PMM2: variants seen among roughly 807,000 people sequenced by gnomAD.
PMM2 encodes the protein phosphomannomutase 2.
A neutral mutation model predicts 33.2 loss-of-function variants in PMM2; 35 were observed. That is an observed-to-expected ratio of 1.06 (90% CI 0.81 to 1.40). The LOEUF (loss-of-function observed/expected upper bound fraction) is 1.40, where lower values mean the gene tolerates loss of function less well. Among genes scored for constraint, PMM2 ranks in the 40% most tolerant of loss-of-function variants. The pLI is 0.00. For missense variants in PMM2, 386 were observed against 306.0 expected, an observed-to-expected ratio of 1.26 and a Z score of -1.95; for synonymous variants, 153 against 114.7, an observed-to-expected ratio of 1.33 and a Z score of -2.13.
chr16:8,842,629 G>C (rs1410873565), intron 7 of PMM2, among the ~76,000 whole-genome samples: 4 of 152,164 alleles, frequency 2.6e-5, no homozygotes, highest in Non-Finnish European at 4.4e-5. Flanking sequence ...ATGAAAGAGT[G>C]TATGGGTTGG....
At position 8,811,131 on chromosome 16, in the gene PMM2, A is replaced by G; in HGVS notation, c.400A>G (p.Arg134Gly). 6.3e-7 allele frequency: 1 copy of G among 1,578,128 alleles called. No individual in the cohort carries two copies. The highest frequency in any genetic ancestry group is 8.6e-7 in the Non-Finnish European group (1 of 1,157,996). The change falls in exon 5 of 8, where the codon AGA (arginine) becomes GGA (glycine). Residue 134 changes from arginine to glycine, a missense_variant. Arg to Gly is a moderately radical substitution (Grantham distance 125). Transcript: ENST00000268261. The stretch of plus-strand genomic sequence containing the variant: ...GATGTTAAACGTGTCCCCTATTGGA[A>G]GAAGCTGCAGCCAAGAAGAACGCAT... ...NGMLNVSPIGRSCSQEERIEF... is the reference protein window; with the variant it reads ...NGMLNVSPIGGSCSQEERIEF...
chr16:8,840,208 G>A (rs1480227514), intron 7 of PMM2, among the ~76,000 whole-genome samples: 3 of 151,800 alleles, frequency 2.0e-5, no homozygotes, highest in Non-Finnish European at 4.4e-5. Flanking sequence ...GTAGAGGGTG[G>A]CATAAGAATG....
chr16:8,847,676 C>T (rs1406273561), intron 7 of PMM2, 48 bp from the exon 8 acceptor site: 1 of 1,416,008 alleles, frequency 7.1e-7, no homozygotes, highest in South Asian at 1.1e-5. Context: ...CAGCAATGGC[C>T]CGGGACAGAC....
chr16:8,804,073 C>G (rs1400149588), intron 2 of PMM2, among the ~76,000 whole-genome samples: 1 of 119,750 alleles, frequency 8.4e-6, no homozygotes, highest in Non-Finnish European at 1.6e-5. Context: ...GAGTCTTGCA[C>G]CGTTGCCGAG....
chr16:8,804,813 A>G lies in PMM2; in HGVS notation c.225A>G (p.Ala75=). ...TGTTTCCAGAAAATGGCTTGGTAGC[A>G]TACAAAGATGGGAAACTCTTGTGTA... is the stretch of plus-strand genomic sequence containing the variant. ...DYVFPENGLV[A]YKDGKLLCRQ... The change falls in exon 3 of 8, where the codon GCA becomes GCG. Residue 75 remains alanine, a synonymous_variant. Transcript: ENST00000268261. The G allele has an allele frequency of 6.2e-7, 1 of 1,613,046 alleles. No homozygotes were observed. Among genetic ancestry groups the G allele is most frequent in the South Asian group, 1.1e-5 (1 of 91,050 alleles).
chr16:8,826,419 C>T (rs1445996146), intron 7 of PMM2, among the ~76,000 whole-genome samples: 2 of 152,172 alleles, frequency 1.3e-5, no homozygotes, highest in South Asian at 4.1e-4. Context: ...GGAGTCATGG[C>T]TACCTCCATA....
rs751782324 is a variant in PMM2, at chr16:8,797,849, C to T, written c.-34C>T. 5.5e-5 allele frequency: 89 copies of T among 1,606,104 alleles called. No individual in the cohort carries two copies. The highest frequency in any genetic ancestry group is 7.0e-5 in the Non-Finnish European group (82 of 1,176,498). On this transcript the variant is annotated 5_prime_UTR_variant, in exon 1 of 8. The change creates a new upstream start codon in the 5' untranslated region. Transcript: ENST00000268261. ...TTCCGGGCCGAGTTCCTCGTGCCAA[C>T]GTGTCTTGTAAGGTGCGGCTAGAAA...
intron 7 of PMM2, among the ~76,000 whole-genome samples, chr16:8,813,931 A>G (rs370001953): frequency 1.4e-5 from 2 of 138,116 alleles, no homozygotes; most frequent in African/African-American, 2.7e-5. Flanking sequence ...CAGTGGTGCA[A>G]TCTTGGCTCA....
chr16:8,813,019 T>C lies in PMM2; in HGVS notation c.552T>C (p.Pro184=), dbSNP rs560182098. The change falls in exon 7 of 8, where the codon CCT becomes CCC. Residue 184 remains proline (P), a synonymous_variant. Transcript: ENST00000268261. ...GCCAGATCAGCTTTGATGTCTTTCC[T>C]GATGGATGGGACAAGAGATACTGTC... The part of the protein sequence containing the change: ...IGGQISFDVF[P]DGWDKRYCLR... 2.0e-5 allele frequency: 32 copies of C among 1,613,426 alleles called. No homozygotes were observed. The South Asian group carries it at 3.3e-4, about 17-fold the overall frequency.
intron 7 of PMM2, among the ~76,000 whole-genome samples, chr16:8,820,468 T>G (rs1159568726): frequency 6.6e-6 from 1 of 151,600 alleles, no homozygotes; most frequent in Non-Finnish European, 1.5e-5. Flanking sequence ...ATCCTCCCAC[T>G]TCAGCCTCCT....
chr16:8,813,200 A>G, intron 7 of PMM2, 94 bp downstream of exon 7: 1 of 837,128 alleles, frequency 1.2e-6, no homozygotes, highest in Non-Finnish European at 2.1e-6. Context: ...CCTACACTTT[A>G]CCCACCCGCC....
At chr16:8,813,128 C>A in intron 7 of PMM2, 22 bp downstream of exon 7, 1 of 1,411,318 alleles carries the variant, frequency 7.1e-7, no homozygotes, top group Non-Finnish European at 1.0e-6. Context: ...AGTGTTTGTG[C>A]ACCTTCATTG....
chr16:8,832,444 C>A, intron 7 of PMM2: 2 of 985,422 alleles, frequency 2.0e-6, no homozygotes, highest in Non-Finnish European at 2.4e-6. Flanking sequence ...ATTCCACAGA[C>A]ACCTCCCCAC....
At chr16:8,815,532 G>A (rs1371107331) in intron 7 of PMM2, among the ~76,000 whole-genome samples, 2 of 151,958 alleles carry the variant, frequency 1.3e-5, no homozygotes, top group African/African-American at 4.8e-5. Context: ...TGCCCGGTCA[G>A]AATATACTCC....
chr16:8,830,555 T>C (rs2060803767), intron 7 of PMM2, among the ~76,000 whole-genome samples: 1 of 151,918 alleles, frequency 6.6e-6, no homozygotes, highest in Admixed American at 6.6e-5. Flanking sequence ...CTTCTGTCCT[T>C]GGGTGGGATC....
At chr16:8,807,869 GTAA>G (rs1314663420) in intron 4 of PMM2, 1 of 152,102 alleles carries the variant, frequency 6.6e-6, no homozygotes, top group Non-Finnish European at 1.5e-5. Flanking sequence ...TAAAATAATA[GTAA>G]TAATAATAAT....
rs550890378 is a variant in PMM2, at chr16:8,840,880, G to T, written c.640-6844G>T. On this transcript the variant is annotated intron_variant, in intron 7 of 7. Coordinates refer to ENST00000268261, the MANE Select transcript of PMM2 (RefSeq NM_000303.3). ...TTCATATGGCTGGGGATCTGGAGTA[G>T]GCAAGAGAAGCTTAGCAGCCTGGCG... Among the ~76,000 whole-genome samples, 218 of 152,100 alleles carry T rather than the reference G, an allele frequency of 1.4e-3. 3 individuals are homozygous for T. The highest frequency in any genetic ancestry group is 5.0e-3 in the African/African-American group (209 of 41,534).
intron 7 of PMM2, among the ~76,000 whole-genome samples, chr16:8,826,938 G>A (rs2060771753): frequency 6.6e-6 from 1 of 151,984 alleles, no homozygotes; most frequent in African/African-American, 2.4e-5. Context: ...TACCATACAA[G>A]ATCTTTTCTC....
At chr16:8,834,056 G>A (rs374833127) in intron 7 of PMM2, among the ~76,000 whole-genome samples, 7 of 152,126 alleles carry the variant, frequency 4.6e-5, no homozygotes, top group African/African-American at 1.7e-4. Flanking sequence ...CACAGTCTAA[G>A]TTGGTCTGGT....
Sources: allele counts gnomAD v4.1 joint callset (sites outside exome capture counted in the v4.1 genomes callset), GRCh38; gene constraint gnomAD v4.1.1; transcripts MANE v1.5; gene names NCBI Gene and HGNC (gene_info 2026-07-23, HGNC 2026-07-21).